NRXN1: variants seen among roughly 807,000 people sequenced by gnomAD.
NRXN1 encodes the protein neurexin-1.
NRXN1 carries 39 observed loss-of-function variants against 150.9 expected under a neutral mutation model. The ratio of observed to expected loss-of-function variants is 0.26; its 90% confidence interval spans 0.20 to 0.34. The LOEUF is 0.34. Ranked by LOEUF, NRXN1 falls within the 10% of genes least tolerant of loss-of-function variation. The pLI, the probability that NRXN1 is intolerant of heterozygous loss-of-function variation, is 1.00. For synonymous variants in NRXN1, 924 were observed against 757.0 expected (o/e 1.22, Z -3.62); for missense variants, 1,815 against 1,949.9 (o/e 0.93, Z 1.30).
At chr2:50,132,583 G>A (rs1705693401) in intron 18 of NRXN1, among the ~76,000 whole-genome samples, 1 of 152,082 alleles carries the variant, frequency 6.6e-6, no homozygotes, top group African/African-American at 2.4e-5. Context: ...GAGATTACAG[G>A]CATGAGCCAC....
At chr2:50,983,466 G>T (rs375643389) in intron 2 of NRXN1, among the ~76,000 whole-genome samples, 1 of 152,050 alleles carries the variant, frequency 6.6e-6, no homozygotes, top group African/African-American at 2.4e-5. Context: ...TCCCCACCCA[G>T]TGGTACTGGC....
intron 8 of NRXN1, among the ~76,000 whole-genome samples, chr2:50,599,871 T>C (rs1410310425): frequency 6.6e-6 from 1 of 152,156 alleles, no homozygotes; most frequent in Non-Finnish European, 1.5e-5. Context: ...TTTTGTCAGT[T>C]GATGGGGTGG....
intron 2 of NRXN1, among the ~76,000 whole-genome samples, chr2:50,944,223 TGAG>T (rs1265516436): frequency 1.3e-5 from 2 of 152,142 alleles, no homozygotes; most frequent in Non-Finnish European, 2.9e-5. Context: ...GAAAAAAAGT[TGAG>T]AAGGGCTGAT....
At chr2:50,284,873 G>GATTT (rs994804170) in intron 17 of NRXN1, among the ~76,000 whole-genome samples, 4 of 151,950 alleles carry the variant, frequency 2.6e-5, no homozygotes, top group African/African-American at 9.7e-5. Flanking sequence ...TCAGCAAAAA[G>GATTT]ATTTATAACA....
Position 50,817,979 on chromosome 2 carries a change from T to G in NRXN1, c.832+103890A>C, listed in dbSNP as rs184348619. Among the ~76,000 whole-genome samples the G allele has an allele frequency of 4.6e-5, 7 of 151,910 alleles. No homozygotes were observed. In the East Asian group the frequency reaches 1.2e-3, roughly 25 times the overall value. ...TCACTCTTGCCACTTCTATTCAAGA[T>G]AGTATTGGAAGTCCCAGCTAGAGCA... On this transcript the variant is annotated intron_variant, in intron 5 of 22. Coordinates refer to ENST00000401669, the MANE Select transcript of NRXN1 (RefSeq NM_001330078.2).
Position 50,938,351 on chromosome 2 carries a change from A to G in NRXN1, c.773-12396T>C, listed in dbSNP as rs561108365. On this transcript the variant is annotated intron_variant, in intron 2 of 22. Transcript: ENST00000401669. The stretch of plus-strand genomic sequence containing the variant: ...GGAACCATCATCATATATGGAGTAC[A>G]TTGTTGACTAAAACGCTGTTATGCC... 2.0e-5 allele frequency among the ~76,000 whole-genome samples: 3 copies of G among 152,294 alleles called. No individual in the cohort carries two copies. In the South Asian group the frequency reaches 6.2e-4, roughly 32 times the overall value.
chr2:50,220,673 C>T (rs748573636), intron 18 of NRXN1, among the ~76,000 whole-genome samples: 12 of 152,128 alleles, frequency 7.9e-5, no homozygotes, highest in Non-Finnish European at 1.2e-4. Context: ...ATCAGTTCCA[C>T]GTCTTTTTGT....
intron 5 of NRXN1, among the ~76,000 whole-genome samples, chr2:50,873,759 T>G (rs1310058048): frequency 6.6e-6 from 1 of 151,896 alleles, no homozygotes; most frequent in South Asian, 2.1e-4. Context: ...TATTGTACAT[T>G]GAAAATAACC....
intron 17 of NRXN1, among the ~76,000 whole-genome samples, chr2:50,389,472 A>C (rs952712724): frequency 2.0e-5 from 3 of 151,910 alleles, no homozygotes; most frequent in African/African-American, 7.3e-5. Context: ...TATCAATAAT[A>C]TATGAACATG....
chr2:50,252,755 C>T (rs2152900922), intron 17 of NRXN1, among the ~76,000 whole-genome samples: 1 of 152,160 alleles, frequency 6.6e-6, no homozygotes, highest in East Asian at 1.9e-4. Flanking sequence ...TTTCTGAGAT[C>T]TCTAAACTGT....
chr2:50,297,374 A>G lies in NRXN1; in HGVS notation c.3365-60404T>C, dbSNP rs531951971. ...GAAGTAGTGCTCATCAGGTAACTAT[A>G]GCTTGCTTTTTTAATTCACAGAACT... is the stretch of plus-strand genomic sequence containing the variant. On this transcript the variant is annotated intron_variant, in intron 17 of 22. Transcript: ENST00000401669. Among the ~76,000 whole-genome samples the G allele has an allele frequency of 2.6e-5, 4 of 152,334 alleles. No individual in the cohort carries two copies. The South Asian group carries it at 8.3e-4, about 32-fold the overall frequency.
chr2:50,413,120 G>A (rs2083305116), intron 17 of NRXN1, among the ~76,000 whole-genome samples: 1 of 152,040 alleles, frequency 6.6e-6, no homozygotes. Context: ...GCACAGAAAA[G>A]GAAACAATCA....
intron 17 of NRXN1, among the ~76,000 whole-genome samples, chr2:50,358,952 G>A (rs1206127245): frequency 1.3e-5 from 2 of 152,116 alleles, no homozygotes; most frequent in African/African-American, 4.8e-5. Context: ...GGTCTGGAGC[G>A]GACCCCCCAG....
intron 5 of NRXN1, among the ~76,000 whole-genome samples, chr2:50,755,512 A>G (rs1253371889): frequency 1.3e-5 from 2 of 151,936 alleles, no homozygotes; most frequent in South Asian, 4.1e-4. Context: ...ACTGGCCATA[A>G]GAGCCTGTGA....
intron 21 of NRXN1, among the ~76,000 whole-genome samples, chr2:50,017,572 A>C (rs1443875587): frequency 2.0e-5 from 3 of 152,196 alleles, no homozygotes; most frequent in Admixed American, 6.5e-5. Flanking sequence ...GGTATCCTCA[A>C]GAACAGCTCA....
intron 17 of NRXN1, among the ~76,000 whole-genome samples, chr2:50,369,085 G>C (rs751185131): frequency 2.3e-4 from 35 of 151,792 alleles, no homozygotes; most frequent in Admixed American, 1.1e-3. Context: ...ATAACTCATC[G>C]CCAAGTACCT....
chr2:50,672,035 A>G (rs143208420), intron 5 of NRXN1, among the ~76,000 whole-genome samples: 43 of 152,120 alleles, frequency 2.8e-4, no homozygotes, highest in African/African-American at 1.0e-3. Context: ...TGTAAAAACT[A>G]CATGTAAAAA....
At chr2:50,901,806 G>A (rs1682993518) in intron 5 of NRXN1, among the ~76,000 whole-genome samples, 1 of 152,138 alleles carries the variant, frequency 6.6e-6, no homozygotes, top group Admixed American at 6.5e-5. Flanking sequence ...CAGTAAATGT[G>A]AATTATAGCA....
chr2:50,846,025 C>A (rs1183389038), intron 5 of NRXN1, among the ~76,000 whole-genome samples: 2 of 152,104 alleles, frequency 1.3e-5, no homozygotes, highest in African/African-American at 4.8e-5. Context: ...TGTTGTTTTT[C>A]ACATTAAAAT....
Sources: allele counts gnomAD v4.1 joint callset (sites outside exome capture counted in the v4.1 genomes callset), GRCh38; gene constraint gnomAD v4.1.1; transcripts MANE v1.5; gene names NCBI Gene and HGNC (gene_info 2026-07-23, HGNC 2026-07-21).